The following ATRNL1 variants were observed in gnomAD, a reference collection of about 807,000 sequenced individuals.
The protein encoded by ATRNL1 is attractin-like protein 1.
In ATRNL1, 95 loss-of-function variants were observed where a neutral mutation model predicts 182.7. That is an observed-to-expected ratio of 0.52 (90% CI 0.44 to 0.62). The LOEUF (loss-of-function observed/expected upper bound fraction) is 0.62, where lower values mean the gene tolerates loss of function less well. Among genes scored for constraint, ATRNL1 ranks in the 20% least tolerant of loss-of-function variants. ATRNL1 has a pLI of 0.00. For missense variants in ATRNL1, 1,471 were observed against 1,679.5 expected (o/e 0.88, Z 2.17); for synonymous variants, 576 against 568.3 (o/e 1.01, Z -0.19).
chr10:115,653,830 A>G (rs1234855755), intron 26 of ATRNL1, among the ~76,000 whole-genome samples: 4 of 152,204 alleles, frequency 2.6e-5, no homozygotes, highest in African/African-American at 9.7e-5. Context: ...TAGCAGACAC[A>G]AAATAAATGT....
At chr10:115,743,561 G>C (rs532944087) in intron 27 of ATRNL1, among the ~76,000 whole-genome samples, 1 of 152,262 alleles carries the variant, frequency 6.6e-6, no homozygotes, top group East Asian at 1.9e-4. Flanking sequence ...TAGAAATTAT[G>C]TAGGAGCACA....
At chr10:115,552,846 G>A (rs534528564) in intron 26 of ATRNL1, among the ~76,000 whole-genome samples, 2 of 151,342 alleles carry the variant, frequency 1.3e-5, no homozygotes, top group South Asian at 2.1e-4. Flanking sequence ...TTTGGGATGC[G>A]CTAATGAATG....
At chr10:115,888,857 CTCTTAAAT>C (rs1952013854) in intron 28 of ATRNL1, among the ~76,000 whole-genome samples, 1 of 152,170 alleles carries the variant, frequency 6.6e-6, no homozygotes, top group East Asian at 1.9e-4. Flanking sequence ...GCCTCCCAGT[CTCTTAAAT>C]GACAAGGCAC....
At chr10:115,420,467 A>T (rs1845601268) in intron 20 of ATRNL1, among the ~76,000 whole-genome samples, 1 of 152,224 alleles carries the variant, frequency 6.6e-6, no homozygotes, top group Non-Finnish European at 1.5e-5. Flanking sequence ...TAAACAAGTC[A>T]ATGAAGAAAT....
At chr10:115,614,569 T>C (rs1303962154) in intron 26 of ATRNL1, among the ~76,000 whole-genome samples, 1 of 152,182 alleles carries the variant, frequency 6.6e-6, no homozygotes, top group African/African-American at 2.4e-5. Context: ...TTAAGTCTGA[T>C]GATTATTTTT....
intron 26 of ATRNL1, among the ~76,000 whole-genome samples, chr10:115,653,218 A>G (rs1860122574): frequency 6.6e-6 from 1 of 152,188 alleles, no homozygotes; most frequent in Non-Finnish European, 1.5e-5. Flanking sequence ...GTTTACAAAT[A>G]TGCTTTTATA....
intron 27 of ATRNL1, among the ~76,000 whole-genome samples, chr10:115,798,216 C>G (rs1291675398): frequency 6.6e-6 from 1 of 152,188 alleles, no homozygotes; most frequent in African/African-American, 2.4e-5. Context: ...CGCGCCCAGC[C>G]TCTCAGAGAC....
At chr10:115,934,226 G>T (rs1474377755) in intron 28 of ATRNL1, among the ~76,000 whole-genome samples, 1 of 152,078 alleles carries the variant, frequency 6.6e-6, no homozygotes, top group Non-Finnish European at 1.5e-5. Flanking sequence ...CACCAATCAG[G>T]AACACTTTAC....
chr10:115,391,521 T>G (rs1844016486), intron 19 of ATRNL1, among the ~76,000 whole-genome samples: 1 of 152,154 alleles, frequency 6.6e-6, no homozygotes, highest in African/African-American at 2.4e-5. Flanking sequence ...ATTTCATTCT[T>G]CCTTGACTTA....
chr10:115,867,036 A>C (rs1488638279), intron 28 of ATRNL1, among the ~76,000 whole-genome samples: 1 of 152,220 alleles, frequency 6.6e-6, no homozygotes, highest in Non-Finnish European at 1.5e-5. Flanking sequence ...AAGTAAATTC[A>C]AACCTTTACC....
intron 27 of ATRNL1, among the ~76,000 whole-genome samples, chr10:115,730,633 G>A (rs1431540843): frequency 3.3e-5 from 5 of 151,942 alleles, no homozygotes; most frequent in Non-Finnish European, 7.4e-5. Context: ...TGCTAGATCG[G>A]CAGTTGAGGC....
intron 9 of ATRNL1, among the ~76,000 whole-genome samples, chr10:115,218,631 T>C (rs10885673): frequency 0.22 from 33,555 of 152,152 alleles, 4,730 homozygotes; most frequent in Non-Finnish European, 0.31. Context: ...AAATCTCTTC[T>C]AATGTTTGAA....
At chr10:115,200,107 A>G (rs746194462) in intron 8 of ATRNL1, among the ~76,000 whole-genome samples, 1 of 152,150 alleles carries the variant, frequency 6.6e-6, no homozygotes, top group Non-Finnish European at 1.5e-5. Context: ...GTAAGATACA[A>G]AGAACAAATA....
intron 8 of ATRNL1, among the ~76,000 whole-genome samples, chr10:115,192,150 T>A (rs548783369): frequency 6.6e-6 from 1 of 152,064 alleles, no homozygotes; most frequent in Non-Finnish European, 1.5e-5. Context: ...GCTTTTGAGG[T>A]CCTACTCAAG....
At chr10:115,162,873 G>A (rs1398145288) in intron 6 of ATRNL1, among the ~76,000 whole-genome samples, 1 of 151,832 alleles carries the variant, frequency 6.6e-6, no homozygotes, top group Admixed American at 6.6e-5. Context: ...AATTAATAAT[G>A]TCAAATGCTG....
Position 115,449,215 on chromosome 10 carries a change from A to C in ATRNL1, c.3323-12726A>C, listed in dbSNP as rs184836360. Among the ~76,000 whole-genome samples the C allele has an allele frequency of 1.1e-3, 174 of 152,258 alleles. 2 individuals are homozygous for C. Among genetic ancestry groups the C allele is most frequent in the African/African-American group, 3.3e-3 (137 of 41,548 alleles). On this transcript the variant is annotated intron_variant, in intron 21 of 28. Transcript: ENST00000355044. ...TGTACCCATAAAAACCACAGGCTCC[A>C]CTGGCAGAGGTGCTGCAGAAAAGGA... is the stretch of plus-strand genomic sequence containing the variant.
At chr10:115,619,523 G>A (rs1219150469) in intron 26 of ATRNL1, among the ~76,000 whole-genome samples, 1 of 152,214 alleles carries the variant, frequency 6.6e-6, no homozygotes, top group African/African-American at 2.4e-5. Context: ...ACACTTGCAA[G>A]CATCCGTAGT....
chr10:115,879,069 AC>A (rs5788123), intron 28 of ATRNL1, among the ~76,000 whole-genome samples: 152,152 of 152,154 alleles, frequency 1, 76,075 homozygotes, highest in Middle Eastern at 1. Context: ...ATATTACAGC[AC>A]CCCCCCAGGG....
At position 115,472,970 on chromosome 10, in the gene ATRNL1, A is replaced by G. The variant is rs549679203; in HGVS notation, c.3654+3641A>G. Among the ~76,000 whole-genome samples, 6 of 151,172 alleles carry G rather than the reference A, an allele frequency of 4.0e-5. No homozygotes were observed. The East Asian group carries it at 1.2e-3, about 29-fold the overall frequency. Reference sequence around the variant, plus strand: ...CTTGCCATTGTGTAGGATGTTAGCTATTGGCTTGTTGTATGTGTTCTTTAT... The same window carrying G: ...CTTGCCATTGTGTAGGATGTTAGCTGTTGGCTTGTTGTATGTGTTCTTTAT... On this transcript the variant is annotated intron_variant, in intron 24 of 28. Coordinates refer to ENST00000355044, the MANE Select transcript of ATRNL1 (RefSeq NM_207303.4).
Sources: allele counts gnomAD v4.1 joint callset (sites outside exome capture counted in the v4.1 genomes callset), GRCh38; gene constraint gnomAD v4.1.1; transcripts MANE v1.5; gene names NCBI Gene and HGNC (gene_info 2026-07-23, HGNC 2026-07-21).